RAPGEF1: variants seen among roughly 807,000 people sequenced by gnomAD.
The protein encoded by RAPGEF1 is Rap guanine nucleotide exchange factor 1, also known as CRK SH3-binding GNRP.
RAPGEF1 carries 33 observed loss-of-function variants against 143.3 expected under a neutral mutation model. That is an observed-to-expected ratio of 0.23 (90% confidence interval 0.17 to 0.31). RAPGEF1 has a LOEUF of 0.31. RAPGEF1 is among the 10% of genes least tolerant of loss of function. The pLI, the probability that RAPGEF1 is intolerant of heterozygous loss-of-function variation, is 1.00. For missense variants in RAPGEF1, 1,199 were observed against 1,645.4 expected, an observed-to-expected ratio of 0.73 and a Z score of 4.69; for synonymous variants, 629 against 676.5, an observed-to-expected ratio of 0.93 and a Z score of 1.09.
intron 1 of RAPGEF1, among the ~76,000 whole-genome samples, chr9:131,670,158 C>T (rs556977260): frequency 5.3e-4 from 80 of 152,294 alleles, no homozygotes; most frequent in African/African-American, 1.9e-3. Context: ...CACACACCAG[C>T]CACACGGTCT....
At chr9:131,678,974 T>C (rs996370714) in intron 1 of RAPGEF1, among the ~76,000 whole-genome samples, 2 of 151,874 alleles carry the variant, frequency 1.3e-5, no homozygotes, top group Non-Finnish European at 2.9e-5. Context: ...GGGCAGTAGC[T>C]AGACAAAACA....
intron 1 of RAPGEF1, among the ~76,000 whole-genome samples, chr9:131,734,594 T>C (rs1009000875): frequency 2.0e-5 from 3 of 152,186 alleles, no homozygotes; most frequent in African/African-American, 7.2e-5. Flanking sequence ...TGAGTATACT[T>C]TGACGACAAA....
At chr9:131,653,224 T>G (rs1393551314) in intron 1 of RAPGEF1, among the ~76,000 whole-genome samples, 1 of 152,252 alleles carries the variant, frequency 6.6e-6, no homozygotes, top group Non-Finnish European at 1.5e-5. Flanking sequence ...ATCCTCCACA[T>G]GCTTCAAATC....
chr9:131,632,437 C>T (rs1184346414), intron 5 of RAPGEF1, among the ~76,000 whole-genome samples: 1 of 151,840 alleles, frequency 6.6e-6, no homozygotes, highest in African/African-American at 2.4e-5. Flanking sequence ...AAGACTCTGT[C>T]TCTTAAAAAA....
In RAPGEF1 at chr9:131,655,669, T is replaced by C. The variant is rs769114162; in HGVS notation, c.62-4720A>G. On this transcript the variant is annotated intron_variant, in intron 1 of 26. Coordinates refer to ENST00000683357, the MANE Select transcript of RAPGEF1 (RefSeq NM_001377935.1). The surrounding 1 kb of genome is among the most constrained non-coding windows in gnomAD (Gnocchi z 4.1). ...TACTCGGGAGGCTGAGGCAGGAGAATGGCGTGAATCCAGGAGGCAGAGCAT... is the reference window on the plus strand; with the variant it reads ...TACTCGGGAGGCTGAGGCAGGAGAACGGCGTGAATCCAGGAGGCAGAGCAT... Among the ~76,000 whole-genome samples the C allele has an allele frequency of 2.6e-5, 4 of 152,322 alleles. No individual in the cohort carries two copies. The highest frequency in any genetic ancestry group is 4.8e-5 in the African/African-American group (2 of 41,568).
chr9:131,690,120 TCC>T (rs1376328169), intron 1 of RAPGEF1, among the ~76,000 whole-genome samples: 1 of 152,174 alleles, frequency 6.6e-6, no homozygotes, highest in African/African-American at 2.4e-5. Flanking sequence ...ATTTGCTCAC[TCC>T]CTAGTTTTCA....
In RAPGEF1 at chr9:131,705,366, TA is replaced by T. The variant is rs75594456; in HGVS notation, c.61+34403del. On this transcript the variant is annotated intron_variant, in intron 1 of 26. Transcript: ENST00000683357. The stretch of plus-strand genomic sequence containing the variant: ...ACAATCAAGTGGTAAACAGATCAAT[TA>T]AAAAAAAAAAACCATGGATGTAAAT... Among the ~76,000 whole-genome samples, 128 of 144,208 alleles carry T rather than the reference TA, an allele frequency of 8.9e-4. 1 individual carries two copies. Among genetic ancestry groups the T allele is most frequent in the East Asian group, 1.4e-3 (7 of 5,028 alleles). 94.6% of individuals were successfully genotyped at this position (144,208 alleles called of 152,430 possible).
At chr9:131,736,448 C>A (rs13297649) in intron 1 of RAPGEF1, among the ~76,000 whole-genome samples, 33,810 of 152,100 alleles carry the variant, frequency 0.22, 4,322 homozygotes, top group Non-Finnish European at 0.29. Context: ...CTTGGGACCC[C>A]CAAATGTGAG....
At chr9:131,737,881 C>T (rs1032153809) in intron 1 of RAPGEF1, among the ~76,000 whole-genome samples, 3 of 36,740 alleles carry the variant, frequency 8.2e-5, no homozygotes, top group African/African-American at 5.3e-4. Flanking sequence ...AGGAGAATGG[C>T]GTGAACCCAG....
At chr9:131,705,873 C>T (rs1012035615) in intron 1 of RAPGEF1, among the ~76,000 whole-genome samples, 1 of 152,266 alleles carries the variant, frequency 6.6e-6, no homozygotes. Flanking sequence ...TCTGCCTCTG[C>T]GGCTTTTCAA....
At position 131,650,245 on chromosome 9, in the gene RAPGEF1, G is replaced by C. The variant is rs1372376726; in HGVS notation, c.202-3C>G. The C allele has an allele frequency of 6.3e-7, 1 of 1,599,524 alleles. No homozygotes were observed. Among genetic ancestry groups the C allele is most frequent in the Non-Finnish European group, 8.6e-7 (1 of 1,168,012 alleles). ...GGTAGAAATCTGTCTGTTGCCTCCT[G>C]GAAGAGAGGAAACCTGGATTCCTAC... is the stretch of plus-strand genomic sequence containing the variant. On this transcript the variant is annotated splice_region_variant and splice_polypyrimidine_tract_variant and intron_variant, in intron 2 of 26. Coordinates refer to ENST00000683357, the MANE Select transcript of RAPGEF1 (RefSeq NM_001377935.1). This position sits in a 1 kb window ranked among gnomAD's most constrained non-coding sequence, Gnocchi z 4.7.
rs770845380 is a variant in RAPGEF1 at position 131,675,268 on chromosome 9, G to T, written c.62-24319C>A. ...GCAGAGGGATGAGCACATCTGGAAGGCCCCAGCCCAGCAGGGTCAGCTGAA... is the reference window on the plus strand; with the variant it reads ...GCAGAGGGATGAGCACATCTGGAAGTCCCCAGCCCAGCAGGGTCAGCTGAA... On this transcript the variant is annotated intron_variant, in intron 1 of 26. Coordinates refer to ENST00000683357, the MANE Select transcript of RAPGEF1 (RefSeq NM_001377935.1). The surrounding 1 kb of genome is among the most constrained non-coding windows in gnomAD (Gnocchi z 4.6). 1.3e-5 allele frequency among the ~76,000 whole-genome samples: 2 copies of T among 152,126 alleles called. No homozygotes were observed. Among genetic ancestry groups the T allele is most frequent in the South Asian group, 2.1e-4 (1 of 4,828 alleles).
At chr9:131,617,025 GTCTTAA>G (rs1321361205) in intron 12 of RAPGEF1, among the ~76,000 whole-genome samples, 1 of 152,172 alleles carries the variant, frequency 6.6e-6, no homozygotes, top group Non-Finnish European at 1.5e-5. Context: ...GACACAAGAT[GTCTTAA>G]GGCTCTTGTA....
At chr9:131,588,714 G>C (rs1223367948) in intron 20 of RAPGEF1, 87 bp downstream of exon 20, 10 of 1,365,286 alleles carry the variant, frequency 7.3e-6, no homozygotes, top group Non-Finnish European at 9.9e-6. Flanking sequence ...ACCAGGATGG[G>C]GCTGTGGGGC....
chr9:131,708,153 C>G (rs1835217168), intron 1 of RAPGEF1, among the ~76,000 whole-genome samples: 1 of 152,244 alleles, frequency 6.6e-6, no homozygotes, highest in South Asian at 2.1e-4. Context: ...TATGATTTGA[C>G]AAACAGCAAC....
intron 12 of RAPGEF1, among the ~76,000 whole-genome samples, chr9:131,606,901 A>G (rs896685197): frequency 3.2e-4 from 49 of 152,302 alleles, no homozygotes; most frequent in African/African-American, 1.2e-3. Flanking sequence ...CTGGGATTAC[A>G]GGGATCAGCC....
At chr9:131,679,173 G>A (rs114832885) in intron 1 of RAPGEF1, among the ~76,000 whole-genome samples, 2 of 148,528 alleles carry the variant, frequency 1.3e-5, no homozygotes, top group South Asian at 4.5e-4. Flanking sequence ...ACAAGGGGGG[G>A]GCCACAAGCA....
In RAPGEF1 at chr9:131,592,619, G is replaced by A. The variant is rs923424239; in HGVS notation, c.2690-436C>T. Among the ~76,000 whole-genome samples, 4 of 152,268 alleles carry A rather than the reference G, an allele frequency of 2.6e-5. No individual in the cohort carries two copies. In the East Asian group the frequency reaches 5.8e-4, roughly 22 times the overall value. On this transcript the variant is annotated intron_variant, in intron 17 of 26. Coordinates refer to ENST00000683357, the MANE Select transcript of RAPGEF1 (RefSeq NM_001377935.1). ...CCAGCCCTGGATTAGACTCTGAGAG[G>A]CTCTGCCTGTCCTAAGGCTTTATGC... is the stretch of plus-strand genomic sequence containing the variant.
Position 131,643,092 on chromosome 9 carries a change from G to A in RAPGEF1, c.494+147C>T, listed in dbSNP as rs185202786. 4.7e-6 allele frequency: 4 copies of A among 856,764 alleles called. No homozygotes were observed. The African/African-American group carries it at 5.1e-5, about 11-fold the overall frequency. 53.1% of individuals were successfully genotyped at this position (856,764 alleles called of 1,614,324 possible). A position where few individuals can be genotyped will look rare whatever the true frequency, so the allele number is the denominator to read the frequency against. On this transcript the variant is annotated intron_variant, in intron 4 of 26. Transcript: ENST00000683357. The stretch of plus-strand genomic sequence containing the variant: ...TGAGATGGCATCACGGGATAGTTGT[G>A]GGGGGAGTGGTCAGGGGAAGGATGA...
Sources: allele counts gnomAD v4.1 joint callset (sites outside exome capture counted in the v4.1 genomes callset), GRCh38; gene constraint gnomAD v4.1.1; non-coding constraint Gnocchi (gnomAD v3.1); transcripts MANE v1.5; gene names NCBI Gene and HGNC (gene_info 2026-07-23, HGNC 2026-07-21).